Variants in MSRA observed in about 807,000 individuals in gnomAD.
MSRA encodes methionine sulfoxide reductase A, also known as mitochondrial peptide methionine sulfoxide reductase.
In MSRA, 54 loss-of-function variants were observed where a neutral mutation model predicts 31.3. That is an observed-to-expected ratio of 1.73 (90% confidence interval 1.39 to 2.17). MSRA has a LOEUF of 2.17. Ranked by LOEUF, MSRA falls within the 30% of genes most tolerant of loss-of-function variation. MSRA has a pLI of 0.00. For missense variants in MSRA, 507 were observed against 300.9 expected, an observed-to-expected ratio of 1.69 and a Z score of -5.07; for synonymous variants, 169 against 116.5, an observed-to-expected ratio of 1.45 and a Z score of -2.90.
In MSRA at chr8:10,323,521, A is replaced by G. The variant is rs562120872; in HGVS notation, c.543+3532A>G. On this transcript the variant is annotated intron_variant, in intron 5 of 5. Transcript: ENST00000317173. ...CTTATCACCGAATTTTCCAGTTTCTATCCCATTGTAGTTTCTACCCTCAGT... is the reference window on the plus strand; with the variant it reads ...CTTATCACCGAATTTTCCAGTTTCTGTCCCATTGTAGTTTCTACCCTCAGT... Among the ~76,000 whole-genome samples, 10 of 152,302 alleles carry G rather than the reference A, an allele frequency of 6.6e-5. No homozygotes were observed. In the South Asian group the frequency reaches 2.1e-3, roughly 32 times the overall value.
intron 5 of MSRA, among the ~76,000 whole-genome samples, chr8:10,342,205 C>A (rs1333852383): frequency 6.6e-6 from 1 of 152,176 alleles, no homozygotes; most frequent in African/African-American, 2.4e-5. Flanking sequence ...ACAAGCATGG[C>A]CTTGAGCAGC....
At chr8:10,232,846 G>A (rs1811611132) in intron 2 of MSRA, among the ~76,000 whole-genome samples, 1 of 152,178 alleles carries the variant, frequency 6.6e-6, no homozygotes, top group African/African-American at 2.4e-5. Context: ...TGTAATGATT[G>A]TGTCAAAAAT....
chr8:10,329,000 G>A lies in MSRA; in HGVS notation c.543+9011G>A, dbSNP rs112737883. On this transcript the variant is annotated intron_variant, in intron 5 of 5. Coordinates refer to ENST00000317173, the MANE Select transcript of MSRA (RefSeq NM_012331.5). Reference sequence around the variant, plus strand: ...AGGAAGGATTAACCATCTTGTTCTTGACCCTAAACCCTATCCTGCAAACTC... The same window carrying A: ...AGGAAGGATTAACCATCTTGTTCTTAACCCTAAACCCTATCCTGCAAACTC... 5.5e-4 allele frequency among the ~76,000 whole-genome samples: 84 copies of A among 152,278 alleles called. 2 individuals carry two copies. Among genetic ancestry groups the A allele is most frequent in the Middle Eastern group, 3.4e-3 (1 of 294 alleles).
chr8:10,283,160 A>ACACACACACACACACACTCTCTCTCTCT lies in MSRA; in HGVS notation c.332-18373_332-18372insACACACACACACACACTCTCTCTCTCTC. Among the ~76,000 whole-genome samples, 181 of 140,316 alleles carry ACACACACACACACACACTCTCTCTCTCT rather than the reference A, an allele frequency of 1.3e-3. 1 individual carries two copies. Among genetic ancestry groups the ACACACACACACACACACTCTCTCTCTCT allele is most frequent in the African/African-American group, 4.9e-3 (179 of 36,894 alleles). The allele number at this position is 140,316 out of a possible 152,430, so 92.1% of individuals were successfully genotyped here. ...CACACACACACACACACACACACAC[A>ACACACACACACACACACTCTCTCTCTCT]CTCTCACCCTTCTCTTTGCTGGGGA... On this transcript the variant is annotated intron_variant, in intron 3 of 5. Transcript: ENST00000317173.
chr8:10,120,035 G>C, intron 1 of MSRA, among the ~76,000 whole-genome samples: 1 of 152,148 alleles, frequency 6.6e-6, no homozygotes, highest in East Asian at 1.9e-4. Context: ...CTTTAGTAGA[G>C]GAACTCAGCC....
At chr8:10,299,288 G>C (rs557864094) in intron 3 of MSRA, among the ~76,000 whole-genome samples, 7 of 152,032 alleles carry the variant, frequency 4.6e-5, no homozygotes, top group Non-Finnish European at 8.8e-5. Flanking sequence ...AAATATGTCT[G>C]TCATGTTGAT....
chr8:10,230,733 A>T (rs1462234942), intron 2 of MSRA, among the ~76,000 whole-genome samples: 1 of 152,222 alleles, frequency 6.6e-6, no homozygotes, highest in Non-Finnish European at 1.5e-5. Flanking sequence ...AGTCAGTAAG[A>T]TTCTTAAGAC....
intron 5 of MSRA, among the ~76,000 whole-genome samples, chr8:10,363,981 C>G (rs574074418): frequency 3.1e-4 from 47 of 152,242 alleles, no homozygotes; most frequent in African/African-American, 1.1e-3. Flanking sequence ...ATTTACCTAA[C>G]TGAGGGTGGG....
At chr8:10,263,173 G>C (rs911409153) in intron 3 of MSRA, among the ~76,000 whole-genome samples, 1 of 152,216 alleles carries the variant, frequency 6.6e-6, no homozygotes, top group Non-Finnish European at 1.5e-5. Context: ...GTGTTTCTCA[G>C]TTTAATGGCT....
intron 3 of MSRA, among the ~76,000 whole-genome samples, chr8:10,300,110 G>A (rs1176213908): frequency 7.0e-6 from 1 of 143,340 alleles, no homozygotes; most frequent in South Asian, 2.3e-4. Flanking sequence ...TGTAATGAAT[G>A]CAGTGGAAGA....
At chr8:10,378,574 A>G (rs752449938) in intron 5 of MSRA, among the ~76,000 whole-genome samples, 6 of 152,190 alleles carry the variant, frequency 3.9e-5, no homozygotes, top group Non-Finnish European at 2.9e-5. Flanking sequence ...AGCTGGCTTC[A>G]TCTCCCGGCC....
chr8:10,189,660 A>G (rs1262788193), intron 1 of MSRA, among the ~76,000 whole-genome samples: 1 of 152,134 alleles, frequency 6.6e-6, no homozygotes, highest in Non-Finnish European at 1.5e-5. Flanking sequence ...TTTCATTGTT[A>G]AAACAACTTT....
chr8:10,199,569 GT>G (rs1235024307), intron 1 of MSRA, among the ~76,000 whole-genome samples: 4 of 151,120 alleles, frequency 2.6e-5, no homozygotes, highest in Non-Finnish European at 4.4e-5. Context: ...CTGCCCGCCA[GT>G]TTTTTTTTAA....
chr8:10,090,116 C>G (rs1040697458), intron 1 of MSRA, among the ~76,000 whole-genome samples: 1 of 152,158 alleles, frequency 6.6e-6, no homozygotes, highest in Non-Finnish European at 1.5e-5. Context: ...ACATGGAGAG[C>G]AAAATGAGTC....
intron 4 of MSRA, among the ~76,000 whole-genome samples, chr8:10,310,677 A>G (rs904118928): frequency 2.0e-5 from 3 of 152,206 alleles, no homozygotes; most frequent in African/African-American, 7.2e-5. Flanking sequence ...AGAAAGGCCC[A>G]GTGAGGTGAA....
rs1477165567 is a variant in MSRA, at chr8:10,354,748, G to GTA, written c.543+34760_543+34761insAT. Among the ~76,000 whole-genome samples the GTA allele has an allele frequency of 9.5e-4, 123 of 129,008 alleles. 1 individual carries two copies. Among genetic ancestry groups the GTA allele is most frequent in the African/African-American group, 3.5e-3 (115 of 33,272 alleles). The allele number at this position is 129,008 out of a possible 152,430, so 84.6% of individuals were successfully genotyped here. A position where few individuals can be genotyped will look rare whatever the true frequency, so the allele number is the denominator to read the frequency against. Reference sequence around the variant, plus strand: ...AGTTATGTAATATGTGTGTGTGTGTGTGTATATATATATATATATATATAT... The same window carrying GTA: ...AGTTATGTAATATGTGTGTGTGTGTGTATGTATATATATATATATATATATAT... On this transcript the variant is annotated intron_variant, in intron 5 of 5. Transcript: ENST00000317173.
chr8:10,298,515 T>C (rs6601427), intron 3 of MSRA, among the ~76,000 whole-genome samples: 79,345 of 151,930 alleles, frequency 0.52, 22,092 homozygotes, highest in African/African-American at 0.62. Flanking sequence ...AATATCAGTT[T>C]TGCGAGATGA....
chr8:10,105,654 A>G (rs892086855), intron 1 of MSRA, among the ~76,000 whole-genome samples: 22 of 152,214 alleles, frequency 1.4e-4, no homozygotes, highest in Admixed American at 1.1e-3. Flanking sequence ...TATACAGTGA[A>G]TAATCTCGGT....
chr8:10,055,225 C>T (rs1295843882), intron 1 of MSRA, among the ~76,000 whole-genome samples: 2 of 152,218 alleles, frequency 1.3e-5, no homozygotes, highest in Non-Finnish European at 2.9e-5. Context: ...TCCCCAGGGG[C>T]AGGGGCTGCC....
Sources: allele counts gnomAD v4.1 joint callset (sites outside exome capture counted in the v4.1 genomes callset), GRCh38; gene constraint gnomAD v4.1.1; transcripts MANE v1.5; gene names NCBI Gene and HGNC (gene_info 2026-07-23, HGNC 2026-07-21).